The following CRACD variants were observed in gnomAD, a reference collection of about 807,000 sequenced individuals.
CRACD encodes the protein capping protein-inhibiting regulator of actin dynamics.
A neutral mutation model predicts 106.8 loss-of-function variants in CRACD; 56 were observed. The ratio of observed to expected loss-of-function variants is 0.52; its 90% CI spans 0.42 to 0.66. The LOEUF is 0.66. Among genes scored for constraint, CRACD ranks in the 30% least tolerant of loss-of-function variants. The probability of loss-of-function intolerance (pLI) is 0.00; values close to 1 mark genes in which losing one functional copy is unlikely to be tolerated. For missense variants in CRACD, 1,730 were observed against 1,623.2 expected (o/e 1.07, Z -1.13); for synonymous variants, 754 against 670.8 (o/e 1.12, Z -1.92).
At chr4:56,186,581 T>C (rs1037130553) in intron 2 of CRACD, among the ~76,000 whole-genome samples, 2 of 152,118 alleles carry the variant, frequency 1.3e-5, no homozygotes, top group Non-Finnish European at 2.9e-5. Context: ...TCCATTAACA[T>C]GCATGGAACT....
At chr4:56,049,369 G>A (rs2109772076) in intron 1 of CRACD, 70 bp downstream of exon 1, 1 of 151,962 alleles carries the variant, frequency 6.6e-6, no homozygotes, top group African/African-American at 2.4e-5. Flanking sequence ...TCCTCCACTC[G>A]CGCCCCTCCG....
chr4:56,077,171 A>G (rs573869931), intron 1 of CRACD, among the ~76,000 whole-genome samples: 2 of 152,350 alleles, frequency 1.3e-5, no homozygotes, highest in African/African-American at 4.8e-5. Flanking sequence ...ACAGTTCCGC[A>G]TGGCTGGAGA....
intron 3 of CRACD, chr4:56,288,336 T>C: frequency 9.6e-6 from 3 of 312,320 alleles, no homozygotes; most frequent in South Asian, 6.4e-5. Context: ...TTTAATCCAG[T>C]CACCCAGATA....
chr4:56,200,550 G>T (rs1045458876), intron 2 of CRACD, among the ~76,000 whole-genome samples: 1 of 152,148 alleles, frequency 6.6e-6, no homozygotes, highest in African/African-American at 2.4e-5. Context: ...ACTTTCAACT[G>T]TATGCTCCTC....
intron 2 of CRACD, among the ~76,000 whole-genome samples, chr4:56,197,033 G>C (rs375381504): frequency 3.9e-5 from 6 of 151,972 alleles, no homozygotes; most frequent in Admixed American, 6.6e-5. Context: ...CAAAAATGTT[G>C]ATACTGATAG....
intron 1 of CRACD, among the ~76,000 whole-genome samples, chr4:56,116,731 C>T (rs533230239): frequency 3.9e-5 from 6 of 152,182 alleles, no homozygotes; most frequent in South Asian, 2.1e-4. Flanking sequence ...ATTTTTTAGA[C>T]GGAGTCTCAC....
intron 4 of CRACD, 126 bp downstream of exon 4, chr4:56,298,475 AT>A (rs1744182082): frequency 3.5e-6 from 4 of 1,130,764 alleles, no homozygotes; most frequent in Non-Finnish European, 5.0e-6. Flanking sequence ...CCTGGTGAGA[AT>A]TATTGCTTTC....
At chr4:56,078,131 G>A (rs1417045581) in intron 1 of CRACD, among the ~76,000 whole-genome samples, 1 of 152,114 alleles carries the variant, frequency 6.6e-6, no homozygotes, top group Non-Finnish European at 1.5e-5. Flanking sequence ...ACTTATTCAT[G>A]TGGTACATTG....
At chr4:56,251,776 T>C (rs11938331) in intron 2 of CRACD, among the ~76,000 whole-genome samples, 5,384 of 152,316 alleles carry the variant, frequency 0.035, 314 homozygotes, top group African/African-American at 0.12. Flanking sequence ...TGTTTTTGCA[T>C]ACAATGCTTT....
chr4:56,129,103 A>ACTCAC (rs535013018), intron 1 of CRACD, among the ~76,000 whole-genome samples: 250 of 152,216 alleles, frequency 1.6e-3, no homozygotes, highest in African/African-American at 5.6e-3. Flanking sequence ...TGAGACAAGG[A>ACTCAC]CTCACTCTGT....
intron 1 of CRACD, among the ~76,000 whole-genome samples, chr4:56,109,990 A>C (rs1168175184): frequency 6.6e-6 from 1 of 152,146 alleles, no homozygotes; most frequent in African/African-American, 2.4e-5. Flanking sequence ...GGTCCATTGA[A>C]CGCTCAGCAT....
chr4:56,174,715 G>T (rs1030657330), intron 1 of CRACD, among the ~76,000 whole-genome samples: 4 of 152,082 alleles, frequency 2.6e-5, no homozygotes, highest in African/African-American at 9.7e-5. Context: ...CTGTATCTTG[G>T]CTATTGTGTG....
In CRACD at chr4:56,286,525, C is replaced by CAAAAAAAAAA. The variant is rs61498428; in HGVS notation, c.-16-11676_-16-11667dup. On this transcript the variant is annotated intron_variant, in intron 3 of 10. Transcript: ENST00000682029. The stretch of plus-strand genomic sequence containing the variant: ...TGGGCGACAGAGCGAGACTCCGTCT[C>CAAAAAAAAAA]AAAAAAAAAAAAAAAAAAAAAAGAT... Among the ~76,000 whole-genome samples, 33 of 89,378 alleles carry CAAAAAAAAAA rather than the reference C, an allele frequency of 3.7e-4. 1 individual carries two copies. The highest frequency in any genetic ancestry group is 5.6e-4 in the African/African-American group (14 of 24,824). 58.6% of individuals were successfully genotyped at this position (89,378 alleles called of 152,430 possible). A position where few individuals can be genotyped will look rare whatever the true frequency, so the allele number is the denominator to read the frequency against.
At chr4:56,218,318 T>C (rs1428744394) in intron 2 of CRACD, among the ~76,000 whole-genome samples, 1 of 152,070 alleles carries the variant, frequency 6.6e-6, no homozygotes, top group Non-Finnish European at 1.5e-5. Flanking sequence ...CACTATGTTA[T>C]CCAGGCTGCT....
At chr4:56,154,989 T>C (rs1735720053) in intron 1 of CRACD, among the ~76,000 whole-genome samples, 1 of 152,168 alleles carries the variant, frequency 6.6e-6, no homozygotes, top group African/African-American at 2.4e-5. Context: ...TAAAAAGTTT[T>C]TCAAAACTAA....
intron 2 of CRACD, among the ~76,000 whole-genome samples, chr4:56,185,930 C>T (rs1737077602): frequency 6.6e-6 from 1 of 152,186 alleles, no homozygotes; most frequent in South Asian, 2.1e-4. Context: ...TGATACTAGC[C>T]GTTGAAGATG....
At chr4:56,214,250 T>A (rs1738543877) in intron 2 of CRACD, among the ~76,000 whole-genome samples, 1 of 152,000 alleles carries the variant, frequency 6.6e-6, no homozygotes, top group Non-Finnish European at 1.5e-5. Flanking sequence ...CTCTCTCAGA[T>A]TTTTTTTGTA....
At chr4:56,323,592 G>A (rs1746246001) in intron 9 of CRACD, 25 bp downstream of exon 9, 1 of 1,512,090 alleles carries the variant, frequency 6.6e-7, no homozygotes, top group Admixed American at 2.7e-5. Flanking sequence ...CTTCAGCTGT[G>A]ATTTTGCTTT....
intron 1 of CRACD, among the ~76,000 whole-genome samples, chr4:56,150,764 C>T (rs1009483276): frequency 5.3e-4 from 80 of 152,160 alleles, no homozygotes; most frequent in African/African-American, 1.8e-3. Context: ...CATAAACAAT[C>T]GACCTAGTCT....
Sources: allele counts gnomAD v4.1 joint callset (sites outside exome capture counted in the v4.1 genomes callset), GRCh38; gene constraint gnomAD v4.1.1; transcripts MANE v1.5; gene names NCBI Gene and HGNC (gene_info 2026-07-23, HGNC 2026-07-21).